Variants in PEX5L observed in about 807,000 individuals in gnomAD.
The protein encoded by PEX5L is PEX5-related protein.
In PEX5L, 30 loss-of-function variants were observed where a neutral mutation model predicts 84.0. The ratio of observed to expected loss-of-function variants is 0.36; its 90% CI spans 0.27 to 0.48. The LOEUF (loss-of-function observed/expected upper bound fraction) is 0.48, where lower values mean the gene tolerates loss of function less well. PEX5L is among the 20% of genes least tolerant of loss of function. The probability of loss-of-function intolerance (pLI) is 0.99; values close to 1 mark genes in which losing one functional copy is unlikely to be tolerated. For synonymous variants in PEX5L, 270 were observed against 283.1 expected (o/e 0.95, Z 0.46); for missense variants, 533 against 754.6 (o/e 0.71, Z 3.44).
At chr3:179,817,629 TGA>T (rs1301579442) in intron 9 of PEX5L, among the ~76,000 whole-genome samples, 3 of 152,256 alleles carry the variant, frequency 2.0e-5, no homozygotes, top group Non-Finnish European at 2.9e-5. Context: ...CTGAAGTATC[TGA>T]GAGATGTTAT....
Position 180,004,693 on chromosome 3 carries a change from G to A in PEX5L, c.21+31886C>T, listed in dbSNP as rs565103570. Among the ~76,000 whole-genome samples the A allele has an allele frequency of 4.6e-5, 7 of 152,206 alleles. No individual in the cohort carries two copies. The South Asian group carries it at 1.5e-3, about 32-fold the overall frequency. ...AATGACATCCCTGGGCTCCACCCAA[G>A]ATATACTGAAGTTAAACCTCTGGGA... On this transcript the variant is annotated intron_variant, in intron 1 of 14. Coordinates refer to ENST00000467460, the MANE Select transcript of PEX5L (RefSeq NM_016559.3).
intron 2 of PEX5L, among the ~76,000 whole-genome samples, chr3:179,962,275 A>T (rs961933084): frequency 1.3e-5 from 2 of 152,226 alleles, no homozygotes; most frequent in African/African-American, 2.4e-5. Context: ...GAGAGGAAGT[A>T]TCATAATTTA....
At chr3:179,937,313 C>G (rs1038092875) in intron 2 of PEX5L, among the ~76,000 whole-genome samples, 1 of 152,004 alleles carries the variant, frequency 6.6e-6, no homozygotes, top group Non-Finnish European at 1.5e-5. Context: ...AAATGTACCA[C>G]AGTAATGTAA....
chr3:179,848,628 G>T (rs12497869), intron 8 of PEX5L, among the ~76,000 whole-genome samples: 2 of 151,718 alleles, frequency 1.3e-5, no homozygotes, highest in African/African-American at 4.9e-5. Context: ...GCATGTGACA[G>T]AGAAACAGAA....
intron 2 of PEX5L, among the ~76,000 whole-genome samples, chr3:179,933,008 T>A (rs545846825): frequency 6.3e-4 from 96 of 152,182 alleles, no homozygotes; most frequent in African/African-American, 2.2e-3. Context: ...TATCCCCAAC[T>A]CCCTCCAGCC....
At chr3:180,028,787 A>G (rs1791190057) in intron 1 of PEX5L, among the ~76,000 whole-genome samples, 1 of 152,232 alleles carries the variant, frequency 6.6e-6, no homozygotes, top group Non-Finnish European at 1.5e-5. Flanking sequence ...TTGAACATTA[A>G]CACCATCGTT....
Position 179,850,431 on chromosome 3 carries a change from C to G in PEX5L, c.822+8631G>C, listed in dbSNP as rs375563348. On this transcript the variant is annotated intron_variant, in intron 8 of 14. Coordinates refer to ENST00000467460, the MANE Select transcript of PEX5L (RefSeq NM_016559.3). ...TGTGAGCCACCGTGCCAGGCCTTAT[C>G]TTGCCTTATACTTTTATCCTTACCA... Among the ~76,000 whole-genome samples, 150 of 152,156 alleles carry G rather than the reference C, an allele frequency of 9.9e-4. 3 individuals are homozygous for G. The South Asian group carries it at 0.029, about 30-fold the overall frequency.
intron 2 of PEX5L, among the ~76,000 whole-genome samples, chr3:179,908,941 G>A (rs986316850): frequency 6.6e-6 from 1 of 152,028 alleles, no homozygotes; most frequent in African/African-American, 2.4e-5. Flanking sequence ...ATAGATTTTT[G>A]AGAATTACAT....
chr3:179,823,454 A>G (rs1340232034), intron 8 of PEX5L, among the ~76,000 whole-genome samples: 1 of 152,170 alleles, frequency 6.6e-6, no homozygotes, highest in East Asian at 1.9e-4. Flanking sequence ...GGGGGAGAAA[A>G]GACTAGAGAA....
chr3:179,980,778 A>G (rs955892966), intron 1 of PEX5L, among the ~76,000 whole-genome samples: 1 of 152,178 alleles, frequency 6.6e-6, no homozygotes, highest in Non-Finnish European at 1.5e-5. Context: ...GCGGTGGCTC[A>G]CACCTGTAAT....
At chr3:179,957,918 T>G (rs1780990729) in intron 2 of PEX5L, among the ~76,000 whole-genome samples, 1 of 152,148 alleles carries the variant, frequency 6.6e-6, no homozygotes, top group Admixed American at 6.6e-5. Context: ...GGGCACGTAT[T>G]TAAGGATTAG....
intron 1 of PEX5L, among the ~76,000 whole-genome samples, chr3:180,024,636 T>A (rs9855511): frequency 0.015 from 2,299 of 151,724 alleles, 77 homozygotes; most frequent in African/African-American, 0.053. Flanking sequence ...GTATGACCAT[T>A]GTGAGTACAG....
intron 4 of PEX5L, among the ~76,000 whole-genome samples, chr3:179,882,674 C>T (rs1333526554): frequency 6.6e-6 from 1 of 152,186 alleles, no homozygotes. Context: ...CTTATTGCTC[C>T]ACACAAAGAC....
At chr3:180,014,733 A>G (rs1298741981) in intron 1 of PEX5L, among the ~76,000 whole-genome samples, 2 of 152,056 alleles carry the variant, frequency 1.3e-5, no homozygotes, top group South Asian at 4.1e-4. Flanking sequence ...ATACTACTGG[A>G]AAAAAAATAA....
chr3:179,812,051 G>A (rs1028508437), intron 10 of PEX5L, among the ~76,000 whole-genome samples, 180 bp from the exon 11 acceptor site: 1 of 152,042 alleles, frequency 6.6e-6, no homozygotes, highest in Non-Finnish European at 1.5e-5. Context: ...GTGACACCTG[G>A]CTCAAGATCC....
At chr3:179,935,193 C>T (rs1367037685) in intron 2 of PEX5L, among the ~76,000 whole-genome samples, 1 of 151,902 alleles carries the variant, frequency 6.6e-6, no homozygotes, top group Non-Finnish European at 1.5e-5. Context: ...TTTATAATAA[C>T]ATGGGAAAAA....
intron 2 of PEX5L, among the ~76,000 whole-genome samples, chr3:179,904,440 C>T (rs529227851): frequency 3.3e-5 from 5 of 152,114 alleles, no homozygotes; most frequent in Admixed American, 6.5e-5. Flanking sequence ...CCAATCTCTA[C>T]GGTCTTTGAT....
intron 5 of PEX5L, among the ~76,000 whole-genome samples, chr3:179,877,932 C>T (rs1752979264): frequency 6.6e-6 from 1 of 152,180 alleles, no homozygotes; most frequent in East Asian, 1.9e-4. Flanking sequence ...CTAGTTTGAA[C>T]AATGGCTTGG....
At chr3:179,972,438 T>C (rs990223077) in intron 1 of PEX5L, among the ~76,000 whole-genome samples, 8 of 152,138 alleles carry the variant, frequency 5.3e-5, no homozygotes, top group Non-Finnish European at 1.0e-4. Context: ...AAAGATAATA[T>C]GTCTGAGCCT....
Sources: allele counts gnomAD v4.1 joint callset (sites outside exome capture counted in the v4.1 genomes callset), GRCh38; gene constraint gnomAD v4.1.1; transcripts MANE v1.5; gene names NCBI Gene and HGNC (gene_info 2026-07-23, HGNC 2026-07-21).